PRKAR1B: variants seen among roughly 807,000 people sequenced by gnomAD.
The protein encoded by PRKAR1B is cAMP-dependent protein kinase type I-beta regulatory subunit.
In PRKAR1B, 22 loss-of-function variants were observed where a neutral mutation model predicts 46.5. The ratio of observed to expected loss-of-function variants is 0.47; its 90% CI spans 0.34 to 0.68. The LOEUF (loss-of-function observed/expected upper bound fraction) is 0.68. Ranked by LOEUF, PRKAR1B falls within the 30% of genes least tolerant of loss-of-function variation. The pLI, the probability that PRKAR1B is intolerant of heterozygous loss-of-function variation, is 0.01. For missense variants in PRKAR1B, 445 were observed against 535.6 expected, an observed-to-expected ratio of 0.83 and a Z score of 1.67; for synonymous variants, 259 against 217.7, an observed-to-expected ratio of 1.19 and a Z score of -1.67.
At chr7:704,213 A>T (rs1386299879) in intron 2 of PRKAR1B, among the ~76,000 whole-genome samples, 3 of 152,188 alleles carry the variant, frequency 2.0e-5, no homozygotes, top group Non-Finnish European at 4.4e-5. Context: ...ATAAGAGGAG[A>T]AACAGATAAA....
chr7:612,330 T>C (rs1348433224), intron 4 of PRKAR1B, among the ~76,000 whole-genome samples: 3 of 114,994 alleles, frequency 2.6e-5, no homozygotes, highest in Admixed American at 9.0e-5. Flanking sequence ...GTGAGTAGAT[T>C]TGAGTAGATT....
chr7:692,410 AACAGAGAG>A (rs995578400), intron 2 of PRKAR1B, among the ~76,000 whole-genome samples: 14 of 151,308 alleles, frequency 9.3e-5, no homozygotes, highest in South Asian at 2.1e-4. Context: ...CAAAAAAAGA[AACAGAGAG>A]ACAGAGAGAC....
At chr7:605,373 G>A (rs781764947) in intron 6 of PRKAR1B, among the ~76,000 whole-genome samples, 2 of 152,236 alleles carry the variant, frequency 1.3e-5, no homozygotes, top group African/African-American at 2.4e-5. Flanking sequence ...CAGAACAGGA[G>A]CCCAGCGGGG....
intron 7 of PRKAR1B, among the ~76,000 whole-genome samples, chr7:591,257 G>A (rs940926270): frequency 5.9e-5 from 9 of 152,268 alleles, no homozygotes; most frequent in African/African-American, 9.6e-5. Flanking sequence ...GCAGGGCTGG[G>A]AGCTGGCCTC....
At chr7:635,895 G>A (rs981844221) in intron 4 of PRKAR1B, among the ~76,000 whole-genome samples, 17 of 151,858 alleles carry the variant, frequency 1.1e-4, no homozygotes, top group Non-Finnish European at 2.2e-4. Flanking sequence ...CAGAGCTACG[G>A]ACAGCAGGTT....
intron 4 of PRKAR1B, among the ~76,000 whole-genome samples, chr7:619,857 G>T (rs1168454280): frequency 1.3e-5 from 2 of 150,658 alleles, no homozygotes; most frequent in Non-Finnish European, 2.9e-5. Flanking sequence ...TTGTTTTGTT[G>T]TTTGTTTTTT....
intron 4 of PRKAR1B, among the ~76,000 whole-genome samples, chr7:641,038 C>T (rs567783776): frequency 2.0e-5 from 3 of 152,132 alleles, no homozygotes; most frequent in East Asian, 1.9e-4. Flanking sequence ...CTGCAAGCTC[C>T]GCCTCCCGGG....
At chr7:616,403 G>C (rs1782826089) in intron 4 of PRKAR1B, among the ~76,000 whole-genome samples, 1 of 152,242 alleles carries the variant, frequency 6.6e-6, no homozygotes, top group South Asian at 2.1e-4. Flanking sequence ...GTGCCCACCA[G>C]GCCTGCCTGG....
At chr7:598,394 ACCC>A (rs1781396367) in intron 6 of PRKAR1B, among the ~76,000 whole-genome samples, 1 of 88,702 alleles carries the variant, frequency 1.1e-5, no homozygotes, top group Non-Finnish European at 2.2e-5. Flanking sequence ...AAACACCATC[ACCC>A]TCCCTCCAGC....
chr7:584,614 A>T (rs757513840), intron 7 of PRKAR1B, 46 bp from the exon 8 acceptor site: 1 of 1,506,416 alleles, frequency 6.6e-7, no homozygotes, highest in Non-Finnish European at 9.2e-7. Flanking sequence ...GAATCTTCAT[A>T]CCTGGATCAT....
At chr7:724,520 T>C (rs568349052) in intron 1 of PRKAR1B, among the ~76,000 whole-genome samples, 8 of 152,354 alleles carry the variant, frequency 5.3e-5, no homozygotes, top group African/African-American at 1.4e-4. Flanking sequence ...TCCCCAGCCA[T>C]GTGGAACTGT....
chr7:607,586 AAAG>A, intron 4 of PRKAR1B, 134 bp from the exon 5 acceptor site: 7 of 814,584 alleles, frequency 8.6e-6, no homozygotes, highest in Non-Finnish European at 1.4e-5. Flanking sequence ...ATGAGAGTTC[AAAG>A]AAGAAAATTG....
At chr7:632,988 G>A (rs1443974787) in intron 4 of PRKAR1B, among the ~76,000 whole-genome samples, 1 of 152,244 alleles carries the variant, frequency 6.6e-6, no homozygotes, top group Non-Finnish European at 1.5e-5. Context: ...TAAATCACGG[G>A]CAGAGGGAAG....
At chr7:627,498 C>T (rs1270140686) in intron 4 of PRKAR1B, among the ~76,000 whole-genome samples, 9 of 152,304 alleles carry the variant, frequency 5.9e-5, no homozygotes, top group South Asian at 2.1e-4. Flanking sequence ...GAGCCAGGTG[C>T]GGACCCAGGC....
rs1373726840 is a variant in PRKAR1B at position 667,495 on chromosome 7, C to T, written c.440+9734G>A. ...GTGCCTGGGAATAAGACCACTCCAG[C>T]CCAACACCTGTGTGATGGGAACTCC... On this transcript the variant is annotated intron_variant, in intron 4 of 10. Coordinates refer to ENST00000537384, the MANE Select transcript of PRKAR1B (RefSeq NM_001164760.2). The surrounding 1 kb of genome is among the most constrained non-coding windows in gnomAD (Gnocchi z 4.3). 3.9e-5 allele frequency among the ~76,000 whole-genome samples: 6 copies of T among 152,174 alleles called. No homozygotes were observed. Among genetic ancestry groups the T allele is most frequent in the Admixed American group, 3.9e-4 (6 of 15,270 alleles).
intron 2 of PRKAR1B, among the ~76,000 whole-genome samples, chr7:688,652 C>T (rs1380269111): frequency 6.6e-6 from 1 of 152,166 alleles, no homozygotes; most frequent in African/African-American, 2.4e-5. Flanking sequence ...GGCTCCCTCC[C>T]TTCCCTCCCC....
rs529584067 is a variant in PRKAR1B at position 666,397 on chromosome 7, C to T, written c.440+10832G>A. ...AGGCTGCTGAGGTCCCTGGCCGAGG[C>T]GTAACTGCCCCGGGCACCCCAGGTA... On this transcript the variant is annotated intron_variant, in intron 4 of 10. Coordinates refer to ENST00000537384, the MANE Select transcript of PRKAR1B (RefSeq NM_001164760.2). This position sits in a 1 kb window ranked among gnomAD's most constrained non-coding sequence, Gnocchi z 4.9. 3.9e-5 allele frequency among the ~76,000 whole-genome samples: 6 copies of T among 152,278 alleles called. No homozygotes were observed. The highest frequency in any genetic ancestry group is 3.9e-4 in the East Asian group (2 of 5,172).
At chr7:553,286 T>G (rs1280165108) in intron 9 of PRKAR1B, among the ~76,000 whole-genome samples, 1 of 152,162 alleles carries the variant, frequency 6.6e-6, no homozygotes, top group African/African-American at 2.4e-5. Flanking sequence ...TCAGCAGGTG[T>G]TGATGAATGT....
intron 1 of PRKAR1B, chr7:713,193 G>A (rs1462660474): frequency 1.3e-5 from 2 of 152,398 alleles, no homozygotes; most frequent in Non-Finnish European, 2.9e-5. Flanking sequence ...TGCCAGGGTG[G>A]CGGCGGCAGA....
Sources: gnomAD v4.1 joint callset for allele counts (sites outside exome capture counted in the v4.1 genomes callset) on GRCh38, gnomAD v4.1.1 for gene constraint, Gnocchi (gnomAD v3.1) non-coding constraint, MANE v1.5 for transcripts, NCBI Gene and HGNC (gene_info 2026-07-23, HGNC 2026-07-21) for gene names.